ARHGEF7: variants seen among roughly 807,000 people sequenced by gnomAD.
ARHGEF7 encodes Rho guanine nucleotide exchange factor 7.
In ARHGEF7, 33 loss-of-function variants were observed where a neutral mutation model predicts 109.8. The ratio of observed to expected loss-of-function variants is 0.30; its 90% CI spans 0.23 to 0.40. ARHGEF7 has a LOEUF of 0.40. Among genes scored for constraint, ARHGEF7 ranks in the 10% least tolerant of loss-of-function variants. The pLI is 1.00. For missense variants in ARHGEF7, 938 were observed against 1,098.5 expected (o/e 0.85, Z 2.07); for synonymous variants, 458 against 424.6 (o/e 1.08, Z -0.97).
chr13:111,288,980 G>A (rs181039224), intron 18 of ARHGEF7, among the ~76,000 whole-genome samples: 9 of 152,054 alleles, frequency 5.9e-5, no homozygotes, highest in South Asian at 2.1e-4. Context: ...CAGGATTTAC[G>A]TGTGTCTGAT....
intron 2 of ARHGEF7, among the ~76,000 whole-genome samples, chr13:111,200,453 CT>C (rs34569096): frequency 6.4e-4 from 94 of 146,148 alleles, no homozygotes; most frequent in African/African-American, 8.8e-4. Context: ...GAAATCATGT[CT>C]TTTTTTTTTT....
At chr13:111,297,980 A>G (rs936069232) in intron 19 of ARHGEF7, among the ~76,000 whole-genome samples, 1 of 152,248 alleles carries the variant, frequency 6.6e-6, no homozygotes, top group African/African-American at 2.4e-5. Flanking sequence ...GTAGCAAACA[A>G]TGTGAGATAC....
intron 1 of ARHGEF7, among the ~76,000 whole-genome samples, chr13:111,126,905 CAAATT>C (rs2067599563): frequency 6.6e-6 from 1 of 152,048 alleles, no homozygotes; most frequent in Non-Finnish European, 1.5e-5. Context: ...AAATTAAACT[CAAATT>C]AAGTAGTAGG....
chr13:111,186,703 TAA>T, intron 2 of ARHGEF7: 1 of 562,672 alleles, frequency 1.8e-6, no homozygotes, highest in Non-Finnish European at 2.3e-6. Context: ...AGAGCTGTGC[TAA>T]AAATAACAAT....
chr13:111,165,398 T>C lies in ARHGEF7; in HGVS notation c.252+11407T>C, dbSNP rs369302428. Among the ~76,000 whole-genome samples the C allele has an allele frequency of 1.1e-4, 17 of 152,342 alleles. No homozygotes were observed. The East Asian group carries it at 1.4e-3, about 12-fold the overall frequency. On this transcript the variant is annotated intron_variant, in intron 2 of 21. Transcript: ENST00000646102. ...CAGTTGGTCTCACCCAAGAGTTGCA[T>C]CACTTGTATCTCCGCTGGTTGTTCA... is the stretch of plus-strand genomic sequence containing the variant.
intron 2 of ARHGEF7, among the ~76,000 whole-genome samples, chr13:111,194,822 A>G (rs1168412471): frequency 6.6e-6 from 1 of 152,238 alleles, no homozygotes; most frequent in South Asian, 2.1e-4. Context: ...TGGGATCCTC[A>G]AAGGCAAAGA....
intron 1 of ARHGEF7, among the ~76,000 whole-genome samples, chr13:111,141,147 G>T (rs2075326476): frequency 6.6e-6 from 1 of 152,092 alleles, no homozygotes; most frequent in African/African-American, 2.4e-5. Flanking sequence ...AGATGATACT[G>T]ATACTTTATT....
At chr13:111,143,593 T>C (rs183830582) in intron 1 of ARHGEF7, 1 of 152,342 alleles carries the variant, frequency 6.6e-6, no homozygotes, top group East Asian at 1.9e-4. Flanking sequence ...AAAAAGACAA[T>C]TATTCCACGT....
chr13:111,200,979 G>GT (rs2081149778), intron 2 of ARHGEF7, among the ~76,000 whole-genome samples: 2 of 152,014 alleles, frequency 1.3e-5, no homozygotes, highest in South Asian at 4.2e-4. Context: ...TCTTTGGCTC[G>GT]GGGGGGATTT....
At chr13:111,224,799 A>T (rs1296631714) in intron 5 of ARHGEF7, among the ~76,000 whole-genome samples, 1 of 152,158 alleles carries the variant, frequency 6.6e-6, no homozygotes, top group East Asian at 1.9e-4. Context: ...GTACCCCAGA[A>T]CCTTGCCTTC....
chr13:111,156,365 TTTG>T (rs1360594951), intron 2 of ARHGEF7, among the ~76,000 whole-genome samples: 2 of 152,250 alleles, frequency 1.3e-5, no homozygotes, highest in Non-Finnish European at 2.9e-5. Flanking sequence ...TTTGACTTAT[TTTG>T]TGCTATTTTT....
chr13:111,250,761 T>A (rs2089645388), intron 8 of ARHGEF7, among the ~76,000 whole-genome samples: 1 of 152,220 alleles, frequency 6.6e-6, no homozygotes, highest in Admixed American at 6.5e-5. Flanking sequence ...TTTGATAATT[T>A]GCTGGAATGA....
chr13:111,175,454 T>C (rs146432118), intron 2 of ARHGEF7, among the ~76,000 whole-genome samples: 1,804 of 152,150 alleles, frequency 0.012, 11 homozygotes, highest in Middle Eastern at 0.031. Flanking sequence ...GGTGTTGCCA[T>C]GTGAGTGTGG....
intron 3 of ARHGEF7, among the ~76,000 whole-genome samples, chr13:111,206,981 A>G (rs71442810): frequency 1.3e-5 from 2 of 149,814 alleles, no homozygotes; most frequent in African/African-American, 4.9e-5. Flanking sequence ...AAAAAGAAAA[A>G]GAAAAAAAAA....
At chr13:111,282,481 T>C (rs1434225776) in intron 15 of ARHGEF7, among the ~76,000 whole-genome samples, 1 of 152,224 alleles carries the variant, frequency 6.6e-6, no homozygotes, top group East Asian at 1.9e-4. Context: ...TTGATTAAAG[T>C]TGAGTTTTCT....
At chr13:111,274,295 G>A (rs529725094) in intron 10 of ARHGEF7, among the ~76,000 whole-genome samples, 6 of 152,342 alleles carry the variant, frequency 3.9e-5, no homozygotes, top group South Asian at 4.1e-4. Context: ...ATCATTTGAT[G>A]AATGATTGTG....
In ARHGEF7 at chr13:111,283,269, C is replaced by A. The variant is rs768127175; in HGVS notation, c.1856C>A (p.Pro619His). Residue 619 changes from proline (P) to histidine (H), a missense_variant, in exon 16 of 22, where the codon CCC becomes CAC. Coordinates refer to ENST00000646102, the MANE Select transcript of ARHGEF7 (RefSeq NM_001354046.2). ...CCGCACACCACCATCAACTGGGGAC[C>A]CCTGGAGCCTCCGAAAACACCCAAG... ...GTPHTTINWGPLEPPKTPKPW... is the reference protein window; with the variant it reads ...GTPHTTINWGHLEPPKTPKPW... 6.3e-7 allele frequency: 1 copy of A among 1,582,952 alleles called. No homozygotes were observed. The highest frequency in any genetic ancestry group is 2.3e-5 in the East Asian group (1 of 43,688).
chr13:111,233,405 A>G (rs562812108), intron 6 of ARHGEF7, 112 bp downstream of exon 6: 252 of 826,274 alleles, frequency 3.0e-4, no homozygotes, highest in Non-Finnish European at 4.4e-4. Context: ...AATAAAGTTC[A>G]TTCATCTGCC....
At chr13:111,288,034 C>G (rs535278730) in intron 17 of ARHGEF7, among the ~76,000 whole-genome samples, 2 of 152,198 alleles carry the variant, frequency 1.3e-5, no homozygotes, top group African/African-American at 2.4e-5. Flanking sequence ...TTGTGACTTC[C>G]TTATTCCTAT....
Sources: allele counts gnomAD v4.1 joint callset (sites outside exome capture counted in the v4.1 genomes callset), GRCh38; gene constraint gnomAD v4.1.1; transcripts MANE v1.5; gene names NCBI Gene and HGNC (gene_info 2026-07-23, HGNC 2026-07-21).